SLC25A26: variants seen among roughly 807,000 people sequenced by gnomAD.
The protein encoded by SLC25A26 is mitochondrial S-adenosylmethionine carrier protein.
In SLC25A26, 36 loss-of-function variants were observed where a neutral mutation model predicts 37.8. The ratio of observed to expected loss-of-function variants is 0.95; its 90% CI spans 0.73 to 1.26. SLC25A26 has a LOEUF of 1.26. Among genes scored for constraint, SLC25A26 ranks in the 50% most tolerant of loss-of-function variants. The pLI, the probability that SLC25A26 is intolerant of heterozygous loss-of-function variation, is 0.00. For synonymous variants in SLC25A26, 129 were observed against 122.5 expected, an observed-to-expected ratio of 1.05 and a Z score of -0.35; for missense variants, 390 against 331.1, an observed-to-expected ratio of 1.18 and a Z score of -1.38.
intron 5 of SLC25A26, among the ~76,000 whole-genome samples, chr3:66,272,044 A>G (rs1014135155): frequency 6.6e-6 from 1 of 152,166 alleles, no homozygotes; most frequent in Non-Finnish European, 1.5e-5. Flanking sequence ...TTATATTGAT[A>G]TATTCATATG....
chr3:66,167,167 T>G (rs1213796033), intron 1 of SLC25A26, among the ~76,000 whole-genome samples: 1 of 152,160 alleles, frequency 6.6e-6, no homozygotes, highest in Non-Finnish European at 1.5e-5. Flanking sequence ...GAAAATGGAC[T>G]AATACAGATG....
At chr3:66,344,426 G>A (rs951866737) in intron 5 of SLC25A26, among the ~76,000 whole-genome samples, 6 of 151,602 alleles carry the variant, frequency 4.0e-5, no homozygotes, top group Non-Finnish European at 7.4e-5. Context: ...TCGTGCCACT[G>A]CACTCCCGCC....
At chr3:66,266,740 A>G (rs1278951279) in intron 5 of SLC25A26, among the ~76,000 whole-genome samples, 1 of 152,038 alleles carries the variant, frequency 6.6e-6, no homozygotes, top group Non-Finnish European at 1.5e-5. Context: ...TTTTCTCATG[A>G]TCTTTGCCAA....
chr3:66,318,270 C>T (rs543238309), intron 5 of SLC25A26, among the ~76,000 whole-genome samples: 4 of 152,328 alleles, frequency 2.6e-5, no homozygotes, highest in East Asian at 3.9e-4. Context: ...TGATTCTGCA[C>T]AGTTCTGTGC....
chr3:66,304,729 C>T (rs938550568), intron 5 of SLC25A26, among the ~76,000 whole-genome samples: 1 of 152,150 alleles, frequency 6.6e-6, no homozygotes, highest in Non-Finnish European at 1.5e-5. Context: ...ACTGATTAAC[C>T]ACCATGTGGG....
upstream of SLC25A26, among the ~76,000 whole-genome samples, chr3:66,220,097 C>T (rs2071428681): frequency 6.6e-6 from 1 of 152,104 alleles, no homozygotes; most frequent in African/African-American, 2.4e-5. Flanking sequence ...GTTATTATAA[C>T]GGTTTTGAGG....
At position 66,209,065 on chromosome 3, in the gene SLC25A26, TACACAC is replaced by T. The variant is rs1290674607; in HGVS notation, c.-353-11670_-353-11665del. On this transcript the variant is annotated intron_variant, in intron 1 of 10. Coordinates refer to the SLC25A26 transcript ENST00000676754. The stretch of plus-strand genomic sequence containing the variant: ...GTATATATATATATATATATATATA[TACACAC>T]ACACACCCATATAAAGATGTATATA... Among the ~76,000 whole-genome samples the T allele has an allele frequency of 6.5e-3, 181 of 27,744 alleles. 3 individuals carry two copies. The highest frequency in any genetic ancestry group is 0.02 in the African/African-American group (154 of 7,884). 18.2% of individuals were successfully genotyped at this position (27,744 alleles called of 152,430 possible). A position where few individuals can be genotyped will look rare whatever the true frequency, so the allele number is the denominator to read the frequency against.
intron 2 of SLC25A26, among the ~76,000 whole-genome samples, chr3:66,238,353 A>G (rs952720814): frequency 6.6e-6 from 1 of 152,190 alleles, no homozygotes; most frequent in East Asian, 1.9e-4. Flanking sequence ...TAAGATATGT[A>G]TTAACACATG....
chr3:66,254,374 A>C (rs1160697604), intron 3 of SLC25A26, among the ~76,000 whole-genome samples: 4 of 152,268 alleles, frequency 2.6e-5, no homozygotes, highest in Non-Finnish European at 4.4e-5. Context: ...AAATACACGT[A>C]AGCAAATTGC....
intron 5 of SLC25A26, among the ~76,000 whole-genome samples, chr3:66,300,212 A>G (rs901763228): frequency 6.7e-6 from 1 of 149,400 alleles, no homozygotes; most frequent in Non-Finnish European, 1.5e-5. Context: ...AAATCCCGTT[A>G]CAGTGAACTC....
chr3:66,245,893 C>A (rs1198456923), intron 3 of SLC25A26, among the ~76,000 whole-genome samples: 3 of 152,110 alleles, frequency 2.0e-5, no homozygotes, highest in African/African-American at 7.2e-5. Context: ...CAGAGTTGTA[C>A]AACCTTTGCC....
intron 5 of SLC25A26, among the ~76,000 whole-genome samples, chr3:66,305,480 G>C (rs1294854671): frequency 1.3e-5 from 2 of 152,120 alleles, no homozygotes; most frequent in Non-Finnish European, 2.9e-5. Flanking sequence ...TAAGCTCCAG[G>C]ATACATATGT....
chr3:66,324,258 G>A (rs984081953), intron 5 of SLC25A26: 1 of 152,038 alleles, frequency 6.6e-6, no homozygotes, highest in Non-Finnish European at 1.5e-5. Flanking sequence ...TAGGGAATGG[G>A]GAATGCTGTT....
chr3:66,208,839 C>CAT (rs1377335503), intron 1 of SLC25A26, among the ~76,000 whole-genome samples: 42 of 101,638 alleles, frequency 4.1e-4, no homozygotes, highest in Admixed American at 9.4e-4. Context: ...TATGGGTGTA[C>CAT]ATATATATAT....
At chr3:66,139,920 A>C (rs995372367) in intron 1 of SLC25A26, among the ~76,000 whole-genome samples, 21 of 152,254 alleles carry the variant, frequency 1.4e-4, no homozygotes, top group Admixed American at 1.1e-3. Context: ...GCTTAACCTA[A>C]TAGATGTTAT....
intron 1 of SLC25A26, among the ~76,000 whole-genome samples, chr3:66,159,484 G>A (rs1393554628): frequency 6.6e-6 from 1 of 152,152 alleles, no homozygotes; most frequent in East Asian, 1.9e-4. Context: ...TTCCTCAGAG[G>A]ATGTTTTATG....
At chr3:66,326,723 T>A (rs923391183) in intron 5 of SLC25A26, among the ~76,000 whole-genome samples, 2 of 152,272 alleles carry the variant, frequency 1.3e-5, no homozygotes, top group African/African-American at 4.8e-5. Context: ...CCCCACACCC[T>A]GCAGACAGTA....
intron 6 of SLC25A26, among the ~76,000 whole-genome samples, chr3:66,353,899 T>C (rs550418554): frequency 1.3e-5 from 2 of 152,386 alleles, no homozygotes; most frequent in South Asian, 2.1e-4. Context: ...GTTTATTCTT[T>C]ATGGTTCTGT....
At chr3:66,212,843 A>G (rs2071302845) in intron 1 of SLC25A26, among the ~76,000 whole-genome samples, 1 of 151,822 alleles carries the variant, frequency 6.6e-6, no homozygotes, top group Non-Finnish European at 1.5e-5. Flanking sequence ...GGTAAACAAT[A>G]CTCTACCATA....
Sources: allele counts gnomAD v4.1 joint callset (sites outside exome capture counted in the v4.1 genomes callset), GRCh38; gene constraint gnomAD v4.1.1; transcripts MANE v1.5; gene names NCBI Gene and HGNC (gene_info 2026-07-23, HGNC 2026-07-21).